ZNF100: variants seen among roughly 807,000 people sequenced by gnomAD.
ZNF100 encodes zinc finger protein 100 (Y1).
A neutral mutation model predicts 15.8 loss-of-function variants in ZNF100; 12 were observed. The ratio of observed to expected loss-of-function variants is 0.76; its 90% CI spans 0.49 to 1.23. ZNF100 has a LOEUF of 1.23. Ranked by LOEUF, ZNF100 falls within the 50% of genes most tolerant of loss-of-function variation. The pLI is 0.00. For synonymous variants in ZNF100, 226 were observed against 214.8 expected, an observed-to-expected ratio of 1.05 and a Z score of -0.45; for missense variants, 670 against 635.6, an observed-to-expected ratio of 1.05 and a Z score of -0.58.
chr19:21,723,621 C>T lies in ZNF100; in HGVS notation c.*3062G>A, dbSNP rs1355982471. 1 of 152,170 alleles carries T rather than the reference C, an allele frequency of 6.6e-6. No homozygotes were observed. The highest frequency in any genetic ancestry group is 1.5e-5 in the Non-Finnish European group (1 of 68,048). The allele number at this position is 152,170 out of a possible 1,614,324, so 9.4% of individuals were successfully genotyped here. On this transcript the variant is annotated 3_prime_UTR_variant, in exon 5 of 5. Transcript: ENST00000358296. ...TTGCAGCCTGGAAACTATGTCCTCT[C>T]CACATGAAGAATCAATTTTATTTCT...
intron 2 of ZNF100, among the ~76,000 whole-genome samples, chr19:21,761,309 G>C (rs2036480193): frequency 6.6e-6 from 1 of 152,146 alleles, no homozygotes; most frequent in African/African-American, 2.4e-5. Flanking sequence ...TGAGTATTCT[G>C]AACTTAAAAC....
chr19:21,744,950 C>T lies in ZNF100; in HGVS notation c.214G>A (p.Val72Ile). 1.2e-6 allele frequency: 2 copies of T among 1,606,912 alleles called. No homozygotes were observed. The highest frequency in any genetic ancestry group is 1.7e-6 in the Non-Finnish European group (2 of 1,178,424). ...KVMLENYRNL[V>I]FLAGIALTKP... ...TTAAAGTTATTCTCACCCAAGAAGACCAGGTTTCTGTAGTTCTCTAACATC... is the reference window on the plus strand; with the variant it reads ...TTAAAGTTATTCTCACCCAAGAAGATCAGGTTTCTGTAGTTCTCTAACATC... Residue 72 changes from valine to isoleucine, a missense_variant, in exon 3 of 5, where the codon GTC becomes ATC. Coordinates refer to ENST00000358296, the MANE Select transcript of ZNF100 (RefSeq NM_173531.4).
At chr19:21,732,429 G>T (rs1430376300) in intron 4 of ZNF100, among the ~76,000 whole-genome samples, 5 of 151,960 alleles carry the variant, frequency 3.3e-5, no homozygotes, top group African/African-American at 4.8e-5. Context: ...GATGATATTT[G>T]TAGAGGCAAA....
chr19:21,763,962 C>A (rs1913986846), intron 2 of ZNF100, among the ~76,000 whole-genome samples: 1 of 152,092 alleles, frequency 6.6e-6, no homozygotes, highest in African/African-American at 2.4e-5. Context: ...CTAGAAACTG[C>A]CTTAAAACAA....
intron 1 of ZNF100, 31 bp downstream of exon 1, chr19:21,767,396 T>A: frequency 6.2e-7 from 1 of 1,613,824 alleles, no homozygotes; most frequent in East Asian, 2.2e-5. Flanking sequence ...CCTTTCGCCG[T>A]CTCTCGGGAT....
chr19:21,729,015 C>A (rs1193321464), intron 4 of ZNF100, among the ~76,000 whole-genome samples: 4 of 151,664 alleles, frequency 2.6e-5, no homozygotes, highest in Non-Finnish European at 4.4e-5. Flanking sequence ...AGAAGCTCAA[C>A]AAACAAACTA....
At chr19:21,761,106 T>C (rs1389088801) in intron 2 of ZNF100, among the ~76,000 whole-genome samples, 1 of 152,066 alleles carries the variant, frequency 6.6e-6, no homozygotes, top group African/African-American at 2.4e-5. Flanking sequence ...GTCATGACTA[T>C]CAAACAGAAC....
In ZNF100 at chr19:21,727,923, G is replaced by A. The variant is rs111519833; in HGVS notation, c.389C>T (p.Ala130Val). Residue 130 changes from alanine (A) to valine (V), a missense_variant, in exon 5 of 5, where the codon GCG (alanine) becomes GTG (valine). Transcript: ENST00000358296. Reference protein sequence around the residue: ...EQDIKDSFQEAILKKYGKYGH... With the variant: ...EQDIKDSFQEVILKKYGKYGH... ...ATATTTTCCATATTTTTTCAGAATC[G>A]CTTCTTGAAAAGAATCTTTAATGTC... 4.4e-5 allele frequency: 70 copies of A among 1,591,252 alleles called. No homozygotes were observed. The highest frequency in any genetic ancestry group is 1.5e-4 in the African/African-American group (11 of 73,860).
chr19:21,747,323 A>G (rs1258155315), intron 2 of ZNF100, among the ~76,000 whole-genome samples: 1 of 152,198 alleles, frequency 6.6e-6, no homozygotes, highest in East Asian at 1.9e-4. Flanking sequence ...TCCACCCACA[A>G]CAATAAACAG....
rs549939631 is a variant in ZNF100 at position 21,748,151 on chromosome 19, T to C, written c.97-3084A>G. Among the ~76,000 whole-genome samples the C allele has an allele frequency of 2.6e-5, 4 of 152,328 alleles. No individual in the cohort carries two copies. In the East Asian group the frequency reaches 7.7e-4, roughly 29 times the overall value. Reference sequence around the variant, plus strand: ...ATGTTTCTGTAAGCACTGGTTTTAATACAAAATTTAAAAAAATAAGATGTT... The same window carrying C: ...ATGTTTCTGTAAGCACTGGTTTTAACACAAAATTTAAAAAAATAAGATGTT... On this transcript the variant is annotated intron_variant, in intron 2 of 4. Coordinates refer to ENST00000358296, the MANE Select transcript of ZNF100 (RefSeq NM_173531.4).
At chr19:21,735,322 G>T (rs1233371565) in intron 4 of ZNF100, among the ~76,000 whole-genome samples, 1 of 151,940 alleles carries the variant, frequency 6.6e-6, no homozygotes, top group Non-Finnish European at 1.5e-5. Flanking sequence ...GTGAAACCCC[G>T]TCTCTACTAA....
chr19:21,734,127 G>A (rs1266729640), intron 4 of ZNF100, among the ~76,000 whole-genome samples: 1 of 152,140 alleles, frequency 6.6e-6, no homozygotes, highest in African/African-American at 2.4e-5. Flanking sequence ...AAAAAATGCT[G>A]AAAACTCAAA....
At chr19:21,732,156 G>A (rs1267640139) in intron 4 of ZNF100, among the ~76,000 whole-genome samples, 5 of 151,874 alleles carry the variant, frequency 3.3e-5, no homozygotes, top group African/African-American at 1.2e-4. Flanking sequence ...TGGCGACAGA[G>A]CGAGACTCCG....
intron 4 of ZNF100, chr19:21,743,254 T>C (rs1488559913): frequency 6.6e-6 from 1 of 152,066 alleles, no homozygotes. Context: ...AAAAAAGATA[T>C]ATCAATGAAA....
Position 21,744,122 on chromosome 19 carries a change from T to C in ZNF100, c.224-7A>G. 2 of 1,586,342 alleles carry C rather than the reference T, an allele frequency of 1.3e-6. No individual in the cohort carries two copies. Among genetic ancestry groups the C allele is most frequent in the African/African-American group, 2.7e-5 (2 of 73,974 alleles). Reference sequence around the variant, plus strand: ...TTAGTGAGAGCAATACCTGCTTTATTAGAAATAAATAACATGAATCTTTCT... The same window carrying C: ...TTAGTGAGAGCAATACCTGCTTTATCAGAAATAAATAACATGAATCTTTCT... On this transcript the variant is annotated splice_polypyrimidine_tract_variant and splice_region_variant and intron_variant, in intron 3 of 4. Transcript: ENST00000358296.
chr19:21,727,140 T>C lies in ZNF100; in HGVS notation c.1172A>G (p.His391Arg), dbSNP rs191344204. ...AFYRFSYLTK[H>R]KTSHTGEKFY... ...TTTCTCTCCAGTATGACTTGTCTTA[T>C]GTTTAGTAAGGTATGAGAATCGGTA... The change falls in exon 5 of 5, where the codon CAT (histidine) becomes CGT (arginine). Residue 391 changes from histidine (H) to arginine (R), a missense_variant. Transcript: ENST00000358296. 279 of 1,611,984 alleles carry C rather than the reference T, an allele frequency of 1.7e-4. 1 individual carries two copies. In the African/African-American group the frequency reaches 3.0e-3, roughly 17 times the overall value.
chr19:21,728,544 G>T (rs2035856469), intron 4 of ZNF100, among the ~76,000 whole-genome samples: 1 of 151,988 alleles, frequency 6.6e-6, no homozygotes, highest in South Asian at 2.1e-4. Context: ...TTATTAAGAA[G>T]AAACATGAAT....
chr19:21,743,940 C>T, intron 4 of ZNF100, 77 bp downstream of exon 4: 1 of 1,409,018 alleles, frequency 7.1e-7, no homozygotes, highest in Non-Finnish European at 9.5e-7. Context: ...CTTCCCAAAC[C>T]ACATTTTAAT....
intron 4 of ZNF100, among the ~76,000 whole-genome samples, chr19:21,740,455 T>C (rs2036087712): frequency 6.6e-6 from 1 of 151,800 alleles, no homozygotes; most frequent in Non-Finnish European, 1.5e-5. Context: ...AAAATTTAAC[T>C]ACACGCTACT....
Sources: gnomAD v4.1 joint callset for allele counts (sites outside exome capture counted in the v4.1 genomes callset) on GRCh38, gnomAD v4.1.1 for gene constraint, MANE v1.5 for transcripts, NCBI Gene and HGNC (gene_info 2026-07-23, HGNC 2026-07-21) for gene names.